Variants in GALM observed in about 807,000 individuals in gnomAD.
GALM encodes aldose 1-epimerase.
A neutral mutation model predicts 37.4 loss-of-function variants in GALM; 43 were observed. That is an observed-to-expected ratio of 1.15 (90% CI 0.90 to 1.48). The LOEUF is 1.48. Among genes scored for constraint, GALM ranks in the 40% most tolerant of loss-of-function variants. The pLI, the probability that GALM is intolerant of heterozygous loss-of-function variation, is 0.00. For synonymous variants in GALM, 199 were observed against 170.6 expected, an observed-to-expected ratio of 1.17 and a Z score of -1.30; for missense variants, 456 against 419.1, an observed-to-expected ratio of 1.09 and a Z score of -0.77.
intron 4 of GALM, among the ~76,000 whole-genome samples, chr2:38,707,856 C>G (rs1666063264): frequency 6.6e-6 from 1 of 151,972 alleles, no homozygotes; most frequent in African/African-American, 2.4e-5. Context: ...GCCTATAATC[C>G]CAGCACTCTG....
intron 3 of GALM, among the ~76,000 whole-genome samples, chr2:38,687,323 G>A (rs1665561964): frequency 6.6e-6 from 1 of 152,196 alleles, no homozygotes; most frequent in Admixed American, 6.5e-5. Flanking sequence ...GTGAGCTGTA[G>A]AAAGTGCAGA....
chr2:38,724,309 G>A (rs1666440741), intron 4 of GALM, among the ~76,000 whole-genome samples: 1 of 152,124 alleles, frequency 6.6e-6, no homozygotes, highest in Non-Finnish European at 1.5e-5. Flanking sequence ...ATAATATGAT[G>A]AACGTTTTGA....
chr2:38,672,943 G>T (rs1279257871), intron 1 of GALM, among the ~76,000 whole-genome samples: 1 of 152,102 alleles, frequency 6.6e-6, no homozygotes, highest in Non-Finnish European at 1.5e-5. Context: ...CCAGGAGGCG[G>T]ACGTTGCAGT....
intron 4 of GALM, among the ~76,000 whole-genome samples, chr2:38,726,842 G>A (rs1277871636): frequency 6.6e-6 from 1 of 151,724 alleles, no homozygotes; most frequent in African/African-American, 2.4e-5. Flanking sequence ...GTTGTGGTGA[G>A]CCGAGATCAC....
At chr2:38,714,837 T>C (rs536366560) in intron 4 of GALM, among the ~76,000 whole-genome samples, 2 of 152,338 alleles carry the variant, frequency 1.3e-5, no homozygotes, top group African/African-American at 4.8e-5. Context: ...TCAACTAGCA[T>C]TGGAAATAAA....
At chr2:38,709,933 CG>C (rs1558591101) in intron 4 of GALM, among the ~76,000 whole-genome samples, 1 of 152,172 alleles carries the variant, frequency 6.6e-6, no homozygotes, top group Admixed American at 6.5e-5. Context: ...CTTCTGAGCC[CG>C]ACTAGATAAA....
chr2:38,728,027 C>T (rs895581595), intron 4 of GALM, among the ~76,000 whole-genome samples: 2 of 152,120 alleles, frequency 1.3e-5, no homozygotes, highest in Non-Finnish European at 2.9e-5. Flanking sequence ...TAATTATCAC[C>T]CTAAAAGAGT....
chr2:38,683,265 A>G (rs1395590619), intron 3 of GALM, among the ~76,000 whole-genome samples: 2 of 152,086 alleles, frequency 1.3e-5, no homozygotes, highest in Admixed American at 6.6e-5. Context: ...AGTGACGGGT[A>G]TTTCTGAATC....
chr2:38,717,845 CT>C (rs201772463), intron 4 of GALM, among the ~76,000 whole-genome samples: 3,059 of 149,908 alleles, frequency 0.02, 53 homozygotes, highest in Middle Eastern at 0.075. Flanking sequence ...AAACCATTTT[CT>C]TTTTTTTTGA....
chr2:38,713,115 G>T (rs972904227), intron 4 of GALM, among the ~76,000 whole-genome samples: 2 of 152,176 alleles, frequency 1.3e-5, no homozygotes, highest in African/African-American at 4.8e-5. Context: ...AGGAGAGCAG[G>T]AGGCCCTGGG....
intron 4 of GALM, among the ~76,000 whole-genome samples, chr2:38,716,132 C>T (rs573268574): frequency 1.3e-5 from 2 of 152,318 alleles, no homozygotes; most frequent in South Asian, 4.1e-4. Flanking sequence ...ATGCAGTTTG[C>T]CTAATCAGCC....
Position 38,681,375 on chromosome 2 carries a change from G to A in GALM, c.441G>A (p.Trp147Ter). The change falls in exon 3 of 7, where the codon TGG (tryptophan) becomes TGA (stop). Residue 147 changes from tryptophan to a stop codon, truncating the protein, a stop_gained. Transcript: ENST00000272252. LOFTEE classifies it high-confidence loss of function. ...EEGYPGELKV[W>*]VTYTLDGGEL... is the part of the protein sequence containing the mutation. ...GCTACCCCGGAGAGTTAAAAGTCTG[G>A]GTGACATACACCCTGGATGGCGGAG... The A allele has an allele frequency of 1.9e-6, 3 of 1,614,116 alleles. No individual in the cohort carries two copies. Among genetic ancestry groups the A allele is most frequent in the Admixed American group, 1.7e-5 (1 of 60,024 alleles).
At chr2:38,731,948 C>T in intron 6 of GALM, 39 bp downstream of exon 6, 1 of 1,535,804 alleles carries the variant, frequency 6.5e-7, no homozygotes, top group South Asian at 1.1e-5. Context: ...AGAGTTGTGT[C>T]CAAGGTCACA....
intron 4 of GALM, among the ~76,000 whole-genome samples, chr2:38,690,966 C>A (rs559160997): frequency 6.1e-4 from 93 of 152,254 alleles, no homozygotes; most frequent in South Asian, 2.7e-3. Context: ...GGCTCCAGGG[C>A]TGAGTTTAAA....
intron 4 of GALM, among the ~76,000 whole-genome samples, chr2:38,708,295 G>A (rs1362533213): frequency 1.3e-5 from 2 of 151,506 alleles, no homozygotes; most frequent in Admixed American, 6.6e-5. Flanking sequence ...GCAAGACCCT[G>A]TCTCTAAAAA....
chr2:38,667,104 G>A (rs1447288929), intron 1 of GALM, among the ~76,000 whole-genome samples: 2 of 152,192 alleles, frequency 1.3e-5, no homozygotes, highest in Non-Finnish European at 2.9e-5. Context: ...CATAAATAAA[G>A]AATGACAATT....
rs1351500203 is a variant in GALM at position 38,689,858 on chromosome 2, A to G, written c.598A>G (p.Thr200Ala). ...CCATGAAGTCACCATAGAAGCGGAT[A>G]CTTATTTGCCTGTGGATGAAACCCT... The part of the protein sequence containing the change: ...NDHEVTIEAD[T>A]YLPVDETLIP... The change falls in exon 4 of 7, where the codon ACT (threonine) becomes GCT (alanine). Residue 200 changes from threonine (T) to alanine (A), a missense_variant. Coordinates refer to ENST00000272252, the MANE Select transcript of GALM (RefSeq NM_138801.3). 7 of 1,612,278 alleles carry G rather than the reference A, an allele frequency of 4.3e-6. No homozygotes were observed. Among genetic ancestry groups the G allele is most frequent in the Non-Finnish European group, 5.9e-6 (7 of 1,178,662 alleles).
chr2:38,671,801 G>A (rs1044548494), intron 1 of GALM, among the ~76,000 whole-genome samples: 2 of 152,002 alleles, frequency 1.3e-5, no homozygotes, highest in African/African-American at 4.8e-5. Context: ...AGACCAGCCT[G>A]GGCAACACAG....
intron 4 of GALM, among the ~76,000 whole-genome samples, chr2:38,703,970 C>T (rs891384196): frequency 2.0e-5 from 3 of 151,602 alleles, no homozygotes; most frequent in South Asian, 2.1e-4. Context: ...AAGCCAAGAT[C>T]GTGCCACTGT....
Sources: gnomAD v4.1 joint callset for allele counts (sites outside exome capture counted in the v4.1 genomes callset) on GRCh38, gnomAD v4.1.1 for gene constraint, MANE v1.5 for transcripts, NCBI Gene and HGNC (gene_info 2026-07-23, HGNC 2026-07-21) for gene names.